Variants in RNF4 observed in about 807,000 individuals in gnomAD.
RNF4 encodes E3 ubiquitin-protein ligase RNF4.
A neutral mutation model predicts 24.3 loss-of-function variants in RNF4; 7 were observed. The ratio of observed to expected loss-of-function variants is 0.29; its 90% CI spans 0.16 to 0.54. The LOEUF (loss-of-function observed/expected upper bound fraction) is 0.54, where lower values mean the gene tolerates loss of function less well. Ranked by LOEUF, RNF4 falls within the 20% of genes least tolerant of loss-of-function variation. The pLI is 0.95. For synonymous variants in RNF4, 83 were observed against 84.3 expected, an observed-to-expected ratio of 0.98 and a Z score of 0.09; for missense variants, 209 against 248.5, an observed-to-expected ratio of 0.84 and a Z score of 1.07.
chr4:2,474,251 A>T (rs1373476695), intron 1 of RNF4, among the ~76,000 whole-genome samples: 1 of 149,268 alleles, frequency 6.7e-6, no homozygotes, highest in African/African-American at 2.5e-5. Flanking sequence ...GGTGGCACGC[A>T]CCTGTAATCG....
chr4:2,508,759 A>T (rs1736179252), intron 4 of RNF4, among the ~76,000 whole-genome samples: 1 of 150,680 alleles, frequency 6.6e-6, no homozygotes, highest in Non-Finnish European at 1.5e-5. Flanking sequence ...TACAGACATG[A>T]GCCACCACAT....
chr4:2,513,938 T>C lies in RNF4; in HGVS notation c.*119T>C, dbSNP rs1164409318. On this transcript the variant is annotated 3_prime_UTR_variant, in exon 8 of 8. Transcript: ENST00000314289. ...TGTTTCGAAACCAACATCTGATATG[T>C]AAACTGCTCTTTTGTTTCCAACCCC... is the stretch of plus-strand genomic sequence containing the variant. 3 of 1,311,392 alleles carry C rather than the reference T, an allele frequency of 2.3e-6. No homozygotes were observed. In the East Asian group the frequency reaches 6.9e-5, roughly 30 times the overall value. The allele number at this position is 1,311,392 out of a possible 1,614,324, so 81.2% of individuals were successfully genotyped here. A position where few individuals can be genotyped will look rare whatever the true frequency, so the allele number is the denominator to read the frequency against.
chr4:2,476,078 A>G (rs846239), intron 1 of RNF4, among the ~76,000 whole-genome samples: 129,149 of 152,250 alleles, frequency 0.85, 54,847 homozygotes, highest in South Asian at 0.89. Flanking sequence ...GATTCTCAGT[A>G]ACTGTATTGT....
intron 4 of RNF4, among the ~76,000 whole-genome samples, chr4:2,504,075 A>G (rs1008074475): frequency 6.6e-6 from 1 of 152,194 alleles, no homozygotes; most frequent in Admixed American, 6.6e-5. Flanking sequence ...AAAAGACTGG[A>G]AACTTTGCAT....
In RNF4 at chr4:2,497,100, C is replaced by G. The variant is rs757262508; in HGVS notation, c.103C>G (p.Pro35Ala). ...STPEISLEAE[P>A]IELVETAGDE... ...CCCCGAGATCTCCTTGGAAGCAGAA[C>G]CCATAGAACTCGTGGAAACTGGTAA... Residue 35 changes from proline to alanine, a missense_variant, in exon 3 of 8, where the codon CCC becomes GCC. Transcript: ENST00000314289. 16 of 1,608,432 alleles carry G rather than the reference C, an allele frequency of 9.9e-6. No individual in the cohort carries two copies. The highest frequency in any genetic ancestry group is 1.4e-5 in the Non-Finnish European group (16 of 1,177,592).
intron 1 of RNF4, among the ~76,000 whole-genome samples, chr4:2,471,914 G>C (rs1029024959): frequency 6.6e-6 from 1 of 152,188 alleles, no homozygotes; most frequent in Non-Finnish European, 1.5e-5. Context: ...GTAAGGTGAG[G>C]CAGTAAGTGT....
chr4:2,474,707 A>T (rs1477747182), intron 1 of RNF4, among the ~76,000 whole-genome samples: 1 of 152,190 alleles, frequency 6.6e-6, no homozygotes, highest in Non-Finnish European at 1.5e-5. Flanking sequence ...GAGACAACTG[A>T]TGCAGCAAAC....
intron 3 of RNF4, 62 bp from the exon 4 acceptor site, chr4:2,500,597 A>G: frequency 6.5e-7 from 1 of 1,529,940 alleles, no homozygotes; most frequent in Non-Finnish European, 9.0e-7. Flanking sequence ...ACTAAAGTGT[A>G]GAGGGATACA....
rs1268917548 is a variant in RNF4 at position 2,500,725 on chromosome 4, A to G, written c.191A>G (p.Asn64Ser). Reference protein sequence around the residue: ...LEPVVVDLTHNDSVVIVDERR... With the variant: ...LEPVVVDLTHSDSVVIVDERR... Reference sequence around the variant, plus strand: ...CCTGTGGTGGTTGATCTGACTCACAATGACTCTGTTGTGGTAAGTGTTGGA... The same window carrying G: ...CCTGTGGTGGTTGATCTGACTCACAGTGACTCTGTTGTGGTAAGTGTTGGA... The change falls in exon 4 of 8, where the codon AAT becomes AGT. Residue 64 changes from asparagine to serine, a missense_variant. By Grantham distance (46) the Asn-to-Ser change is conservative (BLOSUM62 1). Around this residue, in one of 3 missense-constraint regions of RNF4, gnomAD observed 182 missense variants for 197.2 expected, o/e 0.92. Coordinates refer to ENST00000314289, the MANE Select transcript of RNF4 (RefSeq NM_002938.5). 13 of 1,613,726 alleles carry G rather than the reference A, an allele frequency of 8.1e-6. No homozygotes were observed. Among genetic ancestry groups the G allele is most frequent in the East Asian group, 2.2e-5 (1 of 44,886 alleles).
At chr4:2,473,449 T>C (rs999415140) in intron 1 of RNF4, among the ~76,000 whole-genome samples, 1 of 152,022 alleles carries the variant, frequency 6.6e-6, no homozygotes, top group Admixed American at 6.6e-5. Flanking sequence ...TGGGTGACTT[T>C]GAGGGGTTCT....
In RNF4 at chr4:2,490,408, A is replaced by G. The variant is rs894576089; in HGVS notation, c.-86A>G. The G allele has an allele frequency of 2.2e-6, 3 of 1,389,274 alleles. No homozygotes were observed. 86.1% of individuals were successfully genotyped at this position (1,389,274 alleles called of 1,614,324 possible). A position where few individuals can be genotyped will look rare whatever the true frequency, so the allele number is the denominator to read the frequency against. ...GCCAGATGAGTAACCAGAGGGCATGAAAGGTTGAGAACATTTGACTTCCCT... is the reference window on the plus strand; with the variant it reads ...GCCAGATGAGTAACCAGAGGGCATGGAAGGTTGAGAACATTTGACTTCCCT... On this transcript the variant is annotated 5_prime_UTR_variant, in exon 2 of 8. An upstream open reading frame in the 5' UTR loses its in-frame stop. Transcript: ENST00000314289.
chr4:2,484,386 C>G lies in RNF4; in HGVS notation c.-157-5951C>G, dbSNP rs560589810. Among the ~76,000 whole-genome samples the G allele has an allele frequency of 3.3e-5, 5 of 152,132 alleles. No individual in the cohort carries two copies. The East Asian group carries it at 9.7e-4, about 30-fold the overall frequency. ...TAGAATTTGGTTCCAGTCTAACACT[C>G]TTCCTGTTTCCTGCCCGCCTGTATG... is the stretch of plus-strand genomic sequence containing the variant. On this transcript the variant is annotated intron_variant, in intron 1 of 7. Coordinates refer to ENST00000314289, the MANE Select transcript of RNF4 (RefSeq NM_002938.5).
chr4:2,505,348 T>G (rs77778937), intron 4 of RNF4: 42 of 149,036 alleles, frequency 2.8e-4, no homozygotes, highest in African/African-American at 9.9e-4. Context: ...TTTTTTGAGA[T>G]GGAGTCTCGC....
chr4:2,487,439 C>G (rs1735445117), intron 1 of RNF4, among the ~76,000 whole-genome samples: 2 of 152,300 alleles, frequency 1.3e-5, no homozygotes, highest in Admixed American at 1.3e-4. Context: ...GCGCACACCA[C>G]CACACCCGGC....
chr4:2,472,559 C>T (rs1384379671), intron 1 of RNF4, among the ~76,000 whole-genome samples: 2 of 148,624 alleles, frequency 1.3e-5, no homozygotes, highest in African/African-American at 5.0e-5. Flanking sequence ...AGAGACCAGC[C>T]GGGGCAGCAT....
intron 2 of RNF4, among the ~76,000 whole-genome samples, chr4:2,491,723 C>T (rs778139115): frequency 6.6e-5 from 10 of 151,878 alleles, no homozygotes; most frequent in Admixed American, 6.6e-4. Context: ...CATGAGCCAC[C>T]GCACCCAGCC....
intron 1 of RNF4, among the ~76,000 whole-genome samples, chr4:2,484,273 G>T (rs964013504): frequency 1.3e-5 from 2 of 151,816 alleles, no homozygotes; most frequent in Admixed American, 1.3e-4. Context: ...GCAGAGTTAC[G>T]ATATCATTCT....
rs570746171 is a variant in RNF4, at chr4:2,485,855, A to C, written c.-157-4482A>C. Among the ~76,000 whole-genome samples the C allele has an allele frequency of 2.6e-5, 4 of 152,286 alleles. No individual in the cohort carries two copies. The South Asian group carries it at 6.2e-4, about 24-fold the overall frequency. On this transcript the variant is annotated intron_variant, in intron 1 of 7. Coordinates refer to ENST00000314289, the MANE Select transcript of RNF4 (RefSeq NM_002938.5). ...TAAGTGAGAGCATACTGGACGAGAG[A>C]CTGGAGGATGGTGGGGCCCTTTCTT... is the stretch of plus-strand genomic sequence containing the variant.
At chr4:2,488,085 C>A (rs1027855325) in intron 1 of RNF4, among the ~76,000 whole-genome samples, 1 of 152,342 alleles carries the variant, frequency 6.6e-6, no homozygotes, top group Non-Finnish European at 1.5e-5. Context: ...AGATTCTGCA[C>A]AGAGGCTGTG....
Sources: gnomAD v4.1 joint callset for allele counts (sites outside exome capture counted in the v4.1 genomes callset) on GRCh38, gnomAD v4.1.1 for gene constraint, gnomAD v4.1.1 regional missense constraint, MANE v1.5 for transcripts, NCBI Gene and HGNC (gene_info 2026-07-23, HGNC 2026-07-21) for gene names.